Variants in NUDT6 observed in about 807,000 individuals in gnomAD.
NUDT6 encodes FAD diphosphatase NUDT6.
Under a neutral mutation model 36.8 loss-of-function variants are expected in NUDT6, and 24 were observed. The ratio of observed to expected loss-of-function variants is 0.65; its 90% CI spans 0.47 to 0.92. The LOEUF (loss-of-function observed/expected upper bound fraction) is 0.92. Ranked by LOEUF, NUDT6 falls within the 40% of genes least tolerant of loss-of-function variation. The pLI is 0.00. For synonymous variants in NUDT6, 163 were observed against 157.0 expected (o/e 1.04, Z -0.29); for missense variants, 388 against 392.8 (o/e 0.99, Z 0.10).
intron 3 of NUDT6, among the ~76,000 whole-genome samples, chr4:122,901,762 T>C (rs1185225687): frequency 6.6e-6 from 1 of 152,200 alleles, no homozygotes; most frequent in East Asian, 1.9e-4. Flanking sequence ...ATTTTCTGAT[T>C]CTTTTTCTGT....
intron 1 of NUDT6, 75 bp downstream of exon 1, chr4:122,922,260 A>G: frequency 7.8e-7 from 1 of 1,285,174 alleles, no homozygotes; most frequent in South Asian, 1.3e-5. Context: ...CAGAGCGACT[A>G]GGGAGTGGGG....
chr4:122,913,828 G>A (rs756675740), intron 2 of NUDT6, among the ~76,000 whole-genome samples: 16 of 151,880 alleles, frequency 1.1e-4, no homozygotes, highest in Non-Finnish European at 1.9e-4. Context: ...TACAAATGAC[G>A]TATTAGTGAT....
chr4:122,904,753 C>T (rs1368051448), intron 3 of NUDT6, among the ~76,000 whole-genome samples: 3 of 152,184 alleles, frequency 2.0e-5, no homozygotes, highest in African/African-American at 7.2e-5. Flanking sequence ...CGTGCCTCGC[C>T]TCTTCCTCAC....
intron 3 of NUDT6, among the ~76,000 whole-genome samples, chr4:122,911,932 CCA>C (rs1345024939): frequency 6.6e-6 from 1 of 152,206 alleles, no homozygotes; most frequent in Non-Finnish European, 1.5e-5. Flanking sequence ...ATATTCTGGG[CCA>C]CACTGAACTT....
chr4:122,913,975 C>T (rs1480474530), intron 2 of NUDT6, among the ~76,000 whole-genome samples: 1 of 152,152 alleles, frequency 6.6e-6, no homozygotes, highest in Non-Finnish European at 1.5e-5. Flanking sequence ...ATATAATGTA[C>T]ATAGATCCTG....
intron 1 of NUDT6, 108 bp downstream of exon 1, chr4:122,922,227 C>T (rs1316971507): frequency 2.2e-6 from 2 of 919,148 alleles, no homozygotes; most frequent in African/African-American, 1.7e-5. Flanking sequence ...TCTCCCTTTC[C>T]CTCTGGGCTC....
intron 2 of NUDT6, among the ~76,000 whole-genome samples, chr4:122,915,484 A>C (rs867912729): frequency 1.6e-4 from 20 of 125,284 alleles, no homozygotes; most frequent in African/African-American, 5.4e-4. Context: ...AAAAAAAAAA[A>C]AAAAAAAAAA....
chr4:122,906,101 G>T (rs1727611474), intron 3 of NUDT6, among the ~76,000 whole-genome samples: 1 of 152,140 alleles, frequency 6.6e-6, no homozygotes, highest in African/African-American at 2.4e-5. Context: ...TTAGGGGATT[G>T]GCTTTGACAT....
upstream of NUDT6, chr4:122,922,816 G>A: frequency 1.7e-6 from 1 of 577,148 alleles, no homozygotes. Context: ...TTGTTTGGTA[G>A]TTTAATTCAA....
At position 122,917,505 on chromosome 4, in the gene NUDT6, A is replaced by G. The variant is rs1166038015; in HGVS notation, c.438T>C (p.Val146=). The G allele has an allele frequency of 1.2e-6, 2 of 1,613,838 alleles. No homozygotes were observed. Among genetic ancestry groups the G allele is most frequent in the African/African-American group, 2.7e-5 (2 of 74,932 alleles). ...CATCATGAGTTTGAAACTGACCTGC[A>G]ACTCCTACTTGATGTGAAGCATATC... is the stretch of plus-strand genomic sequence containing the variant. ...LPGYASHQVG[V]AGAVFDESTR... Residue 146 remains valine, a synonymous_variant, in exon 2 of 5, where the codon GTT becomes GTC. Transcript: ENST00000304430.
intron 4 of NUDT6, chr4:122,896,205 AG>A (rs1213076668): frequency 1.3e-5 from 2 of 152,164 alleles, no homozygotes; most frequent in African/African-American, 2.4e-5. Flanking sequence ...AAAGAAAAAA[AG>A]GTAGTGAATT....
intron 3 of NUDT6, among the ~76,000 whole-genome samples, chr4:122,911,809 C>A (rs1727738361): frequency 6.6e-6 from 1 of 152,122 alleles, no homozygotes; most frequent in South Asian, 2.1e-4. Flanking sequence ...AATCACGGTA[C>A]TTCTCTGGGA....
chr4:122,897,718 C>A, intron 3 of NUDT6, 40 bp from the exon 4 acceptor site: 2 of 1,231,650 alleles, frequency 1.6e-6, no homozygotes, highest in South Asian at 1.2e-5. Flanking sequence ...ACATAACTTT[C>A]ACTAACACAC....
intron 3 of NUDT6, among the ~76,000 whole-genome samples, chr4:122,899,788 C>T (rs1727473691): frequency 6.6e-6 from 1 of 152,152 alleles, no homozygotes; most frequent in Non-Finnish European, 1.5e-5. Flanking sequence ...CACCGCACTC[C>T]AGCCTGGGCA....
intron 3 of NUDT6, among the ~76,000 whole-genome samples, chr4:122,911,089 C>A (rs992619348): frequency 1.3e-5 from 2 of 152,098 alleles, no homozygotes; most frequent in African/African-American, 4.8e-5. Flanking sequence ...GTATTTCGGG[C>A]ATATCATCTA....
intron 2 of NUDT6, among the ~76,000 whole-genome samples, chr4:122,915,338 C>T (rs111888794): frequency 0.053 from 8,123 of 151,912 alleles, 519 homozygotes; most frequent in African/African-American, 0.16. Flanking sequence ...AGCATGGTGG[C>T]GCATGCCTGT....
At position 122,917,618 on chromosome 4, in the gene NUDT6, C is replaced by A; in HGVS notation, c.325G>T (p.Ala109Ser). ...TGGTGAAAGCAGAAGCCCAGGGAAG[C>A]AGCAGGGGCAATAAATCGGCTTTGG... ...ILQSRFIAPA[A>S]SLGFCFHHAE... is the part of the protein sequence containing the mutation. Residue 109 changes from alanine (A) to serine (S), a missense_variant, in exon 2 of 5, where the codon GCT becomes TCT. Physicochemically the swap from Ala to Ser is moderately conservative, Grantham distance 99. Coordinates refer to ENST00000304430, the MANE Select transcript of NUDT6 (RefSeq NM_007083.5). 2 of 1,614,168 alleles carry A rather than the reference C, an allele frequency of 1.2e-6. No individual in the cohort carries two copies. The highest frequency in any genetic ancestry group is 1.7e-6 in the Non-Finnish European group (2 of 1,180,028).
intron 2 of NUDT6, among the ~76,000 whole-genome samples, chr4:122,914,288 T>A (rs1210011502): frequency 6.6e-6 from 1 of 152,186 alleles, no homozygotes; most frequent in African/African-American, 2.4e-5. Flanking sequence ...AAGTGAGATA[T>A]AATTAACATT....
At chr4:122,899,556 G>A (rs1727467413) in intron 3 of NUDT6, among the ~76,000 whole-genome samples, 1 of 152,098 alleles carries the variant, frequency 6.6e-6, no homozygotes, top group Non-Finnish European at 1.5e-5. Context: ...GAAAAATCTA[G>A]TTAATGTCCT....
Sources: gnomAD v4.1 joint callset for allele counts (sites outside exome capture counted in the v4.1 genomes callset) on GRCh38, gnomAD v4.1.1 for gene constraint, MANE v1.5 for transcripts, NCBI Gene and HGNC (gene_info 2026-07-23, HGNC 2026-07-21) for gene names.